The following MAPRE3 variants were observed in gnomAD, a reference collection of about 807,000 sequenced individuals.
MAPRE3 encodes microtubule associated protein RP/EB family member 3.
MAPRE3 carries 2 observed loss-of-function variants against 30.5 expected under a neutral mutation model. That is an observed-to-expected ratio of 0.07 (90% CI 0.03 to 0.21). The LOEUF (loss-of-function observed/expected upper bound fraction) is 0.21. Among genes scored for constraint, MAPRE3 ranks in the 10% least tolerant of loss-of-function variants. MAPRE3 has a pLI of 1.00. For missense variants in MAPRE3, 204 were observed against 351.8 expected, an observed-to-expected ratio of 0.58 and a Z score of 3.36; for synonymous variants, 110 against 127.7, an observed-to-expected ratio of 0.86 and a Z score of 0.93.
chr2:27,004,259 C>T (rs1236134371), intron 1 of MAPRE3, among the ~76,000 whole-genome samples: 3 of 152,156 alleles, frequency 2.0e-5, no homozygotes, highest in African/African-American at 7.2e-5. Flanking sequence ...GTCCACATAG[C>T]TCAATGTGCC....
intron 1 of MAPRE3, among the ~76,000 whole-genome samples, chr2:26,995,827 G>GTGTGTA (rs1292455933): frequency 6.7e-6 from 1 of 149,424 alleles, no homozygotes; most frequent in Non-Finnish European, 1.5e-5. Flanking sequence ...GTGTGTGTGT[G>GTGTGTA]TGTATGTGTG....
At chr2:26,995,780 GGT>G (rs1276648645) in intron 1 of MAPRE3, among the ~76,000 whole-genome samples, 3,711 of 109,620 alleles carry the variant, frequency 0.034, 77 homozygotes, top group African/African-American at 0.1. Context: ...TTCTAAGAGA[GGT>G]GTGTGTGTGT....
chr2:26,995,827 GTGTA>G (rs1228670630), intron 1 of MAPRE3, among the ~76,000 whole-genome samples: 38 of 149,412 alleles, frequency 2.5e-4, no homozygotes, highest in Non-Finnish European at 3.4e-4. Flanking sequence ...GTGTGTGTGT[GTGTA>G]TGTGTGTGTG....
At chr2:27,021,220 C>T (rs1171751947) in intron 1 of MAPRE3, among the ~76,000 whole-genome samples, 1 of 152,148 alleles carries the variant, frequency 6.6e-6, no homozygotes, top group African/African-American at 2.4e-5. Flanking sequence ...TGTTCTGGAA[C>T]AAATTCCCTC....
At chr2:27,024,423 G>A (rs986309991) in intron 4 of MAPRE3, 126 bp downstream of exon 4, 13 of 821,578 alleles carry the variant, frequency 1.6e-5, no homozygotes, top group Non-Finnish European at 2.1e-5. Flanking sequence ...CACGGAGTTC[G>A]GATGACGCCG....
At chr2:26,976,160 T>C (rs1373809714) in intron 1 of MAPRE3, among the ~76,000 whole-genome samples, 3 of 152,250 alleles carry the variant, frequency 2.0e-5, no homozygotes, top group African/African-American at 7.2e-5. Flanking sequence ...AGCTAAGTTC[T>C]AGGTCAGACC....
chr2:26,972,245 G>T (rs143647815), intron 1 of MAPRE3, among the ~76,000 whole-genome samples: 254 of 152,300 alleles, frequency 1.7e-3, no homozygotes, highest in African/African-American at 5.9e-3. Context: ...GGAACGCATG[G>T]TCCATTTCTA....
intron 1 of MAPRE3, among the ~76,000 whole-genome samples, chr2:26,994,785 AGG>A (rs1375359526): frequency 1.3e-5 from 2 of 151,060 alleles, no homozygotes; most frequent in African/African-American, 2.4e-5. Context: ...ACTCATTAGC[AGG>A]GATTGGCAGA....
rs900442664 is a variant in MAPRE3, at chr2:27,026,506, C to T, written c.*158C>T. The T allele has an allele frequency of 2.9e-5, 18 of 614,476 alleles. No individual in the cohort carries two copies. Among genetic ancestry groups the T allele is most frequent in the South Asian group, 2.9e-4 (13 of 44,636 alleles). 38.1% of individuals were successfully genotyped at this position (614,476 alleles called of 1,614,324 possible). A position where few individuals can be genotyped will look rare whatever the true frequency, so the allele number is the denominator to read the frequency against. On this transcript the variant is annotated 3_prime_UTR_variant, in exon 7 of 7. Coordinates refer to ENST00000233121, the MANE Select transcript of MAPRE3 (RefSeq NM_012326.4). ...CGAGGGGGGCTTGGGGGCATGGGGC[C>T]GGAAAGCAGGCAGAAGCCCGTCCTG...
intron 1 of MAPRE3, among the ~76,000 whole-genome samples, chr2:27,008,084 G>A (rs1395238502): frequency 6.6e-6 from 1 of 152,212 alleles, no homozygotes; most frequent in Non-Finnish European, 1.5e-5. Flanking sequence ...GGATGTTTCT[G>A]AATCTTTATG....
intron 1 of MAPRE3, among the ~76,000 whole-genome samples, chr2:27,000,031 A>C (rs1666557410): frequency 6.6e-6 from 1 of 152,212 alleles, no homozygotes; most frequent in African/African-American, 2.4e-5. Flanking sequence ...TTGTTTTCAA[A>C]CTACTTATCT....
chr2:27,022,120 T>C, intron 1 of MAPRE3, 92 bp from the exon 2 acceptor site: 1 of 1,441,566 alleles, frequency 6.9e-7, no homozygotes, highest in Non-Finnish European at 9.4e-7. Context: ...GAATGTTTCT[T>C]ACTTCCCAGT....
chr2:27,001,067 GA>G (rs1363552082), intron 1 of MAPRE3, among the ~76,000 whole-genome samples: 2 of 152,140 alleles, frequency 1.3e-5, no homozygotes, highest in Non-Finnish European at 2.9e-5. Context: ...TATAATTTTA[GA>G]ATATACTTCA....
chr2:26,990,020 A>C (rs188871234), intron 1 of MAPRE3, among the ~76,000 whole-genome samples: 1 of 152,128 alleles, frequency 6.6e-6, no homozygotes, highest in African/African-American at 2.4e-5. Flanking sequence ...CTCTACAAAA[A>C]ATCTTAAAAT....
At position 26,997,284 on chromosome 2, in the gene MAPRE3, G is replaced by T. The variant is rs1303767784; in HGVS notation, c.-7-24928G>T. Among the ~76,000 whole-genome samples the T allele has an allele frequency of 1.1e-4, 17 of 152,212 alleles. No homozygotes were observed. In the South Asian group the frequency reaches 3.5e-3, roughly 32 times the overall value. ...TTGTCCAATCCGCAGCCCATGGGTC[G>T]CATGCAGCCCAGGACAGCTTTGAAT... On this transcript the variant is annotated intron_variant, in intron 1 of 6. Coordinates refer to ENST00000233121, the MANE Select transcript of MAPRE3 (RefSeq NM_012326.4).
rs1666199882 is a variant in MAPRE3, at chr2:26,985,521, A to T, written c.-8+14719A>T. 6.6e-6 allele frequency among the ~76,000 whole-genome samples: 1 copy of T among 152,174 alleles called. No individual in the cohort carries two copies. Among genetic ancestry groups the T allele is most frequent in the African/African-American group, 2.4e-5 (1 of 41,436 alleles). On this transcript the variant is annotated intron_variant, in intron 1 of 6. Coordinates refer to ENST00000233121, the MANE Select transcript of MAPRE3 (RefSeq NM_012326.4). This position sits in a 1 kb window ranked among gnomAD's most constrained non-coding sequence, Gnocchi z 4.2. ...TACCATACTGCCATGGCCACAGGGC[A>T]ACCACCATAACTCAGAGCAACCCCT...
chr2:27,001,770 AACC>A (rs1666604908), intron 1 of MAPRE3, among the ~76,000 whole-genome samples: 1 of 152,266 alleles, frequency 6.6e-6, no homozygotes, highest in South Asian at 2.1e-4. Context: ...AATCTTATGG[AACC>A]ACTGTCGTAC....
intron 1 of MAPRE3, among the ~76,000 whole-genome samples, chr2:26,977,962 C>T (rs1666044782): frequency 2.0e-5 from 3 of 152,224 alleles, no homozygotes; most frequent in African/African-American, 7.2e-5. Context: ...TCACATAGCT[C>T]GAACTGTGCT....
chr2:27,001,236 C>T (rs1666588494), intron 1 of MAPRE3, among the ~76,000 whole-genome samples: 1 of 152,246 alleles, frequency 6.6e-6, no homozygotes, highest in Non-Finnish European at 1.5e-5. Context: ...TTGCCTACTA[C>T]ATACCTAGAC....
Sources: gnomAD v4.1 joint callset for allele counts (sites outside exome capture counted in the v4.1 genomes callset) on GRCh38, gnomAD v4.1.1 for gene constraint, Gnocchi (gnomAD v3.1) non-coding constraint, MANE v1.5 for transcripts, NCBI Gene and HGNC (gene_info 2026-07-23, HGNC 2026-07-21) for gene names.